Variants in EZH2 observed in about 807,000 individuals in gnomAD.
The protein encoded by EZH2 is histone-lysine N-methyltransferase EZH2.
EZH2 carries 18 observed loss-of-function variants against 98.4 expected under a neutral mutation model. The observed-to-expected ratio is 0.18, with a 90% CI of 0.13 to 0.27. The LOEUF is 0.27. Among genes scored for constraint, EZH2 ranks in the 10% least tolerant of loss-of-function variants. The pLI is 1.00. For synonymous variants in EZH2, 338 were observed against 312.3 expected (o/e 1.08, Z -0.87); for missense variants, 470 against 935.1 (o/e 0.50, Z 6.49).
chr7:148,856,094 A>G (rs1816795710), intron 1 of EZH2, among the ~76,000 whole-genome samples: 1 of 152,108 alleles, frequency 6.6e-6, no homozygotes, highest in South Asian at 2.1e-4. Flanking sequence ...CTATACAGCA[A>G]GTCTAACAGT....
intron 3 of EZH2, among the ~76,000 whole-genome samples, chr7:148,835,431 A>C (rs1810643091): frequency 1.3e-5 from 2 of 151,930 alleles, no homozygotes; most frequent in Non-Finnish European, 2.9e-5. Context: ...CTCAAAAAAA[A>C]AAAAAAAAAG....
intron 3 of EZH2, among the ~76,000 whole-genome samples, chr7:148,838,947 G>A (rs1811611138): frequency 6.6e-6 from 1 of 152,142 alleles, no homozygotes; most frequent in Admixed American, 6.5e-5. Context: ...AGCTGCTCTG[G>A]AGGCCAAGGC....
intron 8 of EZH2, among the ~76,000 whole-genome samples, chr7:148,821,919 C>T (rs6464926): frequency 0.41 from 63,019 of 151,898 alleles, 13,590 homozygotes; most frequent in Non-Finnish European, 0.48. Context: ...CTCTGAATAC[C>T]GCCTCATGAA....
At chr7:148,830,984 A>G (rs566232863) in intron 4 of EZH2, among the ~76,000 whole-genome samples, 1 of 152,226 alleles carries the variant, frequency 6.6e-6, no homozygotes, top group African/African-American at 2.4e-5. Context: ...AATTATAATA[A>G]GCAGAATGGA....
intron 1 of EZH2, among the ~76,000 whole-genome samples, chr7:148,853,002 G>C (rs1300902471): frequency 1.3e-5 from 2 of 152,122 alleles, no homozygotes; most frequent in Admixed American, 6.5e-5. Context: ...TAAACCAGCA[G>C]TCTCCAACTT....
At chr7:148,869,539 T>C (rs1819024390) in intron 1 of EZH2, among the ~76,000 whole-genome samples, 1 of 151,994 alleles carries the variant, frequency 6.6e-6, no homozygotes, top group South Asian at 2.1e-4. Context: ...GGCCTCACTT[T>C]GTTGTCCAGG....
chr7:148,807,814 T>TAAA (rs35866517), intron 19 of EZH2, 108 bp from the exon 20 acceptor site: 198 of 400,006 alleles, frequency 4.9e-4, no homozygotes, highest in South Asian at 1.3e-3. Context: ...AAAATGTCTT[T>TAAA]AAAAAAAAAA....
In EZH2 at chr7:148,807,837, C is replaced by A. The variant is rs555727675; in HGVS notation, c.2196-131G>T. ...TTTAAAAAAAAAAAAAAAAAAAAAA[C>A]CCATCCAATTACACAGCTGCCTGCA... is the stretch of plus-strand genomic sequence containing the variant. On this transcript the variant is annotated intron_variant, in intron 19 of 19. Transcript: ENST00000320356. The A allele has an allele frequency of 4.5e-4, 271 of 598,216 alleles. 2 individuals are homozygous for A. The African/African-American group carries it at 4.5e-3, about 10-fold the overall frequency. 37.1% of individuals were successfully genotyped at this position (598,216 alleles called of 1,614,324 possible). A position where few individuals can be genotyped will look rare whatever the true frequency, so the allele number is the denominator to read the frequency against.
At chr7:148,875,770 C>T (rs373802482) in intron 1 of EZH2, among the ~76,000 whole-genome samples, 7 of 152,288 alleles carry the variant, frequency 4.6e-5, no homozygotes, top group Middle Eastern at 3.4e-3. Context: ...GTGATAGCAG[C>T]TTTATCAACA....
At chr7:148,861,985 GGA>G (rs1469075117) in intron 1 of EZH2, among the ~76,000 whole-genome samples, 4 of 152,064 alleles carry the variant, frequency 2.6e-5, no homozygotes, top group African/African-American at 9.7e-5. Context: ...CTTAGAAAAG[GGA>G]GAGTGTTTGA....
chr7:148,875,503 G>A (rs1200393863), intron 1 of EZH2, among the ~76,000 whole-genome samples: 2 of 152,104 alleles, frequency 1.3e-5, no homozygotes, highest in Admixed American at 1.3e-4. Flanking sequence ...CATATGAAAA[G>A]ATGTTCCAAC....
intron 3 of EZH2, among the ~76,000 whole-genome samples, chr7:148,835,379 G>C (rs1446817690): frequency 1.3e-5 from 2 of 148,928 alleles, no homozygotes; most frequent in African/African-American, 2.5e-5. Flanking sequence ...GTTGTGATCA[G>C]CACCACTGCA....
rs779629814 is a variant in EZH2, at chr7:148,807,652, G to C, written c.2250C>G (p.Ile750Met). 3.1e-6 allele frequency: 5 copies of C among 1,597,040 alleles called. No homozygotes were observed. The Admixed American group carries it at 5.2e-5, about 17-fold the overall frequency. Residue 750 changes from isoleucine (I) to methionine (M), a missense_variant, in exon 20 of 20, where the codon ATC (isoleucine) becomes ATG (methionine). By Grantham distance (10) the Ile-to-Met change is conservative. Coordinates refer to ENST00000320356, the MANE Select transcript of EZH2 (RefSeq NM_004456.5). Reference sequence around the variant, plus strand: ...GGGGAGGAGGTAGCAGATGTCAAGGGATTTCCATTTCTCTTTCGATGCCGA... The same window carrying C: ...GGGGAGGAGGTAGCAGATGTCAAGGCATTTCCATTTCTCTTTCGATGCCGA... ...KYVGIEREME[I>M]P is the part of the protein sequence containing the mutation.
Position 148,826,643 on chromosome 7 carries a change from C to T in EZH2, c.729-11G>A, listed in dbSNP as rs1807787763. ...GTGAGTTCTTTATATCTGACATTAA[C>T]CAAGAAAAATTTAAGTAAACATGAA... is the stretch of plus-strand genomic sequence containing the variant. On this transcript the variant is annotated splice_polypyrimidine_tract_variant and intron_variant, in intron 7 of 19. Coordinates refer to ENST00000320356, the MANE Select transcript of EZH2 (RefSeq NM_004456.5). The T allele has an allele frequency of 6.9e-7, 1 of 1,444,318 alleles. No homozygotes were observed. Among genetic ancestry groups the T allele is most frequent in the African/African-American group, 1.4e-5 (1 of 69,986 alleles). 89.5% of individuals were successfully genotyped at this position (1,444,318 alleles called of 1,614,324 possible).
intron 7 of EZH2, 140 bp from the exon 8 acceptor site, chr7:148,826,772 A>G: frequency 1.8e-6 from 1 of 555,562 alleles, no homozygotes. Flanking sequence ...TTAGATAAAG[A>G]GCCAACTAAA....
intron 1 of EZH2, among the ~76,000 whole-genome samples, chr7:148,872,361 TGG>T (rs958263204): frequency 6.6e-6 from 1 of 152,166 alleles, no homozygotes; most frequent in African/African-American, 2.4e-5. Context: ...TAGTGCTCAA[TGG>T]GTACAGAATT....
intron 1 of EZH2, among the ~76,000 whole-genome samples, chr7:148,858,692 A>T (rs1817218631): frequency 6.6e-6 from 1 of 151,884 alleles, no homozygotes; most frequent in African/African-American, 2.4e-5. Context: ...CACCCAGCTA[A>T]TTTTTTTTAA....
At chr7:148,810,200 G>GC (rs1260650029) in intron 17 of EZH2, 133 bp downstream of exon 17, 12 of 553,894 alleles carry the variant, frequency 2.2e-5, no homozygotes, top group South Asian at 1.5e-4. Context: ...CAAGCAAGCA[G>GC]CCCCCCATGC....
chr7:148,810,896 CAAAAAAAAAAAA>C (rs924758768), intron 16 of EZH2, among the ~76,000 whole-genome samples: 6 of 43,676 alleles, frequency 1.4e-4, no homozygotes, highest in Non-Finnish European at 2.8e-4. Context: ...AACTCTGTCT[CAAAAAAAAAAAA>C]AAAAAAAAAA....
Sources: allele counts gnomAD v4.1 joint callset (sites outside exome capture counted in the v4.1 genomes callset), GRCh38; gene constraint gnomAD v4.1.1; transcripts MANE v1.5; gene names NCBI Gene and HGNC (gene_info 2026-07-23, HGNC 2026-07-21).